Variants in CHSY3 observed in about 807,000 individuals in gnomAD.
CHSY3 encodes the protein chondroitin sulfate synthase 3, also known as N-acetylgalactosaminyl-proteoglycan 3-beta-glucuronosyltransferase 3.
CHSY3 carries 35 observed loss-of-function variants against 67.2 expected under a neutral mutation model. That is an observed-to-expected ratio of 0.52 (90% confidence interval 0.40 to 0.69). The LOEUF (loss-of-function observed/expected upper bound fraction) is 0.69, where lower values mean the gene tolerates loss of function less well. CHSY3 is among the 30% of genes least tolerant of loss of function. CHSY3 has a pLI of 0.00. For missense variants in CHSY3, 1,069 were observed against 1,138.5 expected, an observed-to-expected ratio of 0.94 and a Z score of 0.88; for synonymous variants, 474 against 434.7, an observed-to-expected ratio of 1.09 and a Z score of -1.12.
intron 2 of CHSY3, among the ~76,000 whole-genome samples, chr5:129,989,855 A>T (rs1763309479): frequency 6.6e-6 from 1 of 152,192 alleles, no homozygotes; most frequent in Non-Finnish European, 1.5e-5. Flanking sequence ...GATAGATAGT[A>T]AATACTTCAG....
chr5:130,034,597 C>T (rs1311569771), intron 2 of CHSY3, among the ~76,000 whole-genome samples: 1 of 152,036 alleles, frequency 6.6e-6, no homozygotes, highest in Non-Finnish European at 1.5e-5. Context: ...AGTCAAAATC[C>T]TTCACTTCAT....
rs73243596 is a variant in CHSY3, at chr5:130,038,960, A to T, written c.1086+130600A>T. Among the ~76,000 whole-genome samples, 1,462 of 152,264 alleles carry T rather than the reference A, an allele frequency of 9.6e-3. 22 individuals are homozygous for T. The highest frequency in any genetic ancestry group is 0.033 in the African/African-American group (1,391 of 41,558). On this transcript the variant is annotated intron_variant, in intron 2 of 2. Transcript: ENST00000305031. ...TTATTAGAAGAAAAGAAACAGAAGC[A>T]CCACTGAAAGAAATGCTGAAATTCA...
chr5:130,163,721 T>TG (rs1475485381), intron 2 of CHSY3, among the ~76,000 whole-genome samples: 1 of 152,148 alleles, frequency 6.6e-6, no homozygotes, highest in African/African-American at 2.4e-5. Context: ...TAACTGTGGA[T>TG]GGGGGAGGAT....
chr5:129,980,818 ATCCATGTTTTCGTATGTGGATG>A (rs1374870372), intron 2 of CHSY3, among the ~76,000 whole-genome samples: 3 of 152,116 alleles, frequency 2.0e-5, no homozygotes, highest in Non-Finnish European at 4.4e-5. Context: ...CTGTGTCTAG[ATCCATGTTTTCGTATGTGGATG>A]TCCAGTTTTC....
At chr5:130,085,279 A>G (rs1376348147) in intron 2 of CHSY3, among the ~76,000 whole-genome samples, 5 of 152,082 alleles carry the variant, frequency 3.3e-5, no homozygotes, top group African/African-American at 1.2e-4. Flanking sequence ...TGTAATACAC[A>G]TATTTGATCA....
At chr5:130,108,781 G>A (rs916481910) in intron 2 of CHSY3, among the ~76,000 whole-genome samples, 1 of 151,670 alleles carries the variant, frequency 6.6e-6, no homozygotes, top group African/African-American at 2.4e-5. Context: ...CAAAGCAGAT[G>A]CACAAATGGA....
chr5:130,020,461 A>ATATATTTTTT (rs1371121130), intron 2 of CHSY3, among the ~76,000 whole-genome samples: 9 of 79,930 alleles, frequency 1.1e-4, no homozygotes, highest in Admixed American at 1.5e-4. Flanking sequence ...ATATATATAT[A>ATATATTTTTT]TTTTTTTTTT....
chr5:130,171,520 T>C (rs1769893136), intron 2 of CHSY3, among the ~76,000 whole-genome samples: 1 of 152,184 alleles, frequency 6.6e-6, no homozygotes. Context: ...TGCTGAGAAA[T>C]CTATATCAAT....
intron 2 of CHSY3, chr5:130,141,616 A>G: frequency 2.0e-6 from 1 of 510,812 alleles, no homozygotes; most frequent in Non-Finnish European, 3.9e-6. Flanking sequence ...TGAGAAGCAG[A>G]AGGACAAGAT....
chr5:130,075,815 T>G (rs1766230746), intron 2 of CHSY3, among the ~76,000 whole-genome samples: 1 of 152,154 alleles, frequency 6.6e-6, no homozygotes, highest in African/African-American at 2.4e-5. Flanking sequence ...AATTCATTCA[T>G]ATTTCTGGTG....
chr5:130,143,497 C>A (rs1391401461), intron 2 of CHSY3, among the ~76,000 whole-genome samples: 21 of 151,580 alleles, frequency 1.4e-4, no homozygotes, highest in Admixed American at 1.4e-3. Context: ...CCAGAGTCAT[C>A]TGTGTTGTTG....
intron 2 of CHSY3, among the ~76,000 whole-genome samples, chr5:130,079,730 T>C (rs1393630056): frequency 6.6e-6 from 1 of 152,104 alleles, no homozygotes; most frequent in Non-Finnish European, 1.5e-5. Flanking sequence ...ACTTACTTAC[T>C]TCATAGAGAT....
chr5:129,981,235 G>T (rs555520876), intron 2 of CHSY3, among the ~76,000 whole-genome samples: 1 of 144,638 alleles, frequency 6.9e-6, no homozygotes, highest in East Asian at 2.1e-4. Context: ...AAAAAAAAAA[G>T]ATCAATCGAC....
At chr5:129,930,079 A>G (rs1326919123) in intron 2 of CHSY3, among the ~76,000 whole-genome samples, 1 of 152,154 alleles carries the variant, frequency 6.6e-6, no homozygotes. Context: ...CATGGATGGA[A>G]TCTTAGCACT....
At chr5:130,108,900 A>G (rs1767502449) in intron 2 of CHSY3, among the ~76,000 whole-genome samples, 1 of 151,742 alleles carries the variant, frequency 6.6e-6, no homozygotes, top group Non-Finnish European at 1.5e-5. Flanking sequence ...AATATAAGGC[A>G]AATACTAATA....
chr5:130,148,721 C>A (rs1322251731), intron 2 of CHSY3, among the ~76,000 whole-genome samples: 2 of 152,074 alleles, frequency 1.3e-5, no homozygotes, highest in African/African-American at 4.8e-5. Context: ...TGTTCATGTT[C>A]TTTGCCCGCT....
chr5:129,992,476 C>T (rs1292213444), intron 2 of CHSY3, among the ~76,000 whole-genome samples: 1 of 152,182 alleles, frequency 6.6e-6, no homozygotes, highest in East Asian at 1.9e-4. Flanking sequence ...CTACAAATAC[C>T]AGATAAGACA....
Position 129,935,386 on chromosome 5 carries a change from T to A in CHSY3, c.1086+27026T>A, listed in dbSNP as rs117461725. On this transcript the variant is annotated intron_variant, in intron 2 of 2. Transcript: ENST00000305031. ...ATTAGAGTCGCTACAGGGCCTTACC[T>A]CAGAACACTCATGTTCTTCTGCCAA... Among the ~76,000 whole-genome samples the A allele has an allele frequency of 2.4e-3, 360 of 152,106 alleles. 7 individuals are homozygous for A. The East Asian group carries it at 0.059, about 25-fold the overall frequency.
intron 2 of CHSY3, among the ~76,000 whole-genome samples, chr5:129,962,444 C>T (rs1762357981): frequency 6.6e-6 from 1 of 152,050 alleles, no homozygotes; most frequent in South Asian, 2.1e-4. Context: ...AGAGACACTG[C>T]ACAAACTTCC....
Sources: allele counts gnomAD v4.1 joint callset (sites outside exome capture counted in the v4.1 genomes callset), GRCh38; gene constraint gnomAD v4.1.1; transcripts MANE v1.5; gene names NCBI Gene and HGNC (gene_info 2026-07-23, HGNC 2026-07-21).